Variants in SCN1A observed in about 807,000 individuals in gnomAD.
SCN1A encodes sodium channel protein type 1 subunit alpha.
In SCN1A, 13 loss-of-function variants were observed where a neutral mutation model predicts 193.7. The observed-to-expected ratio is 0.07, with a 90% CI of 0.04 to 0.11. SCN1A has a LOEUF of 0.11. SCN1A is among the 10% of genes least tolerant of loss of function. The pLI is 1.00. For synonymous variants in SCN1A, 781 were observed against 843.6 expected (o/e 0.93, Z 1.29); for missense variants, 1,432 against 2,451.1 (o/e 0.58, Z 8.78).
At chr2:166,145,861 T>A (rs1692300266) in intron 1 of SCN1A, among the ~76,000 whole-genome samples, 1 of 152,126 alleles carries the variant, frequency 6.6e-6, no homozygotes, top group African/African-American at 2.4e-5. Flanking sequence ...TTTGATGAGT[T>A]TGGGCATCTA....
At position 166,036,438 on chromosome 2, in the gene SCN1A, T is replaced by C. The variant is rs780391343; in HGVS notation, c.3039A>G (p.Gln1013=). Residue 1013 remains glutamine (Q), a synonymous_variant, in exon 19 of 29, where the codon CAA becomes CAG. Coordinates refer to ENST00000674923, the MANE Select transcript of SCN1A (RefSeq NM_001165963.4). The part of the protein sequence containing the change: ...TDDDNEMNNL[Q]IAVDRMHKGV... Reference sequence around the variant, plus strand: ...CTTTGTGCATCCTATCCACAGCAATTTGGAGATTATTCATTTCATTATCAT... The same window carrying C: ...CTTTGTGCATCCTATCCACAGCAATCTGGAGATTATTCATTTCATTATCAT... 1.5e-5 allele frequency: 24 copies of C among 1,607,340 alleles called. No homozygotes were observed. The highest frequency in any genetic ancestry group is 1.9e-5 in the Non-Finnish European group (22 of 1,178,144).
At position 165,990,128 on chromosome 2, in the gene SCN1A, A is replaced by G. The variant is rs948663637; in HGVS notation, c.*1117T>C. On this transcript the variant is annotated 3_prime_UTR_variant, in exon 29 of 29. Transcript: ENST00000674923. ...TTGATAGCATCCAAACTATCTATAA[A>G]TGGTACAGAATACATTTTATTACCT... The G allele has an allele frequency of 3.9e-5, 6 of 152,608 alleles. No individual in the cohort carries two copies. Among genetic ancestry groups the G allele is most frequent in the African/African-American group, 1.4e-4 (6 of 41,454 alleles). 9.5% of individuals were successfully genotyped at this position (152,608 alleles called of 1,614,324 possible).
In SCN1A at chr2:166,013,784, G is replaced by A. The variant is rs1692866166; in HGVS notation, c.3665C>T (p.Thr1222Ile). 2 of 1,611,864 alleles carry A rather than the reference G, an allele frequency of 1.2e-6. No individual in the cohort carries two copies. Among genetic ancestry groups the A allele is most frequent in the Non-Finnish European group, 1.7e-6 (2 of 1,178,460 alleles). Reference sequence around the variant, plus strand: ...AAGGAGAATCATGAAAACAATGAAGGTCTCAAACCAGTTATGTTCAACTAT... The same window carrying A: ...AAGGAGAATCATGAAAACAATGAAGATCTCAAACCAGTTATGTTCAACTAT... The part of the protein sequence containing the change: ...FRIVEHNWFE[T>I]FIVFMILLSS... Residue 1222 changes from threonine (T) to isoleucine (I), a missense_variant, in exon 21 of 29, where the codon ACC (threonine) becomes ATC (isoleucine). Thr to Ile is a moderately conservative substitution (Grantham distance 89, BLOSUM62 -1). Around this residue, in one of 18 missense-constraint regions of SCN1A, gnomAD observed 107 missense variants for 259.4 expected, o/e 0.41. Coordinates refer to ENST00000674923, the MANE Select transcript of SCN1A (RefSeq NM_001165963.4).
Position 166,012,217 on chromosome 2 carries a change from C to G in SCN1A, c.3771G>C (p.Lys1257Asn). 6.2e-7 allele frequency: 1 copy of G among 1,610,358 alleles called. No individual in the cohort carries two copies. The highest frequency in any genetic ancestry group is 8.5e-7 in the Non-Finnish European group (1 of 1,177,470). Reference protein sequence around the residue: ...TIKTMLEYADKVFTYIFILEM... With the variant: ...TIKTMLEYADNVFTYIFILEM... ...CCAGAATGAAAATGTAAGTGAAAAC[C>G]TTGTCAGCATATTCCAACATCGTCT... The change falls in exon 22 of 29, where the codon AAG becomes AAC. Residue 1257 changes from lysine (K) to asparagine (N), a missense_variant. By Grantham distance (94) the Lys-to-Asn change is moderately conservative. Coordinates refer to ENST00000674923, the MANE Select transcript of SCN1A (RefSeq NM_001165963.4).
intron 2 of SCN1A, among the ~76,000 whole-genome samples, chr2:166,088,440 T>G (rs1477406658): frequency 2.0e-5 from 3 of 152,148 alleles, no homozygotes; most frequent in Non-Finnish European, 2.9e-5. Context: ...AAATGCATGC[T>G]TTTTTGGATT....
intron 4 of SCN1A, among the ~76,000 whole-genome samples, chr2:166,067,699 G>GTTTT (rs1683989366): frequency 4.1e-5 from 5 of 122,332 alleles, no homozygotes; most frequent in Non-Finnish European, 5.2e-5. Flanking sequence ...AGAGTACATA[G>GTTTT]CTTTTTTTTT....
At chr2:166,101,965 A>G (rs886473712) in intron 2 of SCN1A, among the ~76,000 whole-genome samples, 8 of 152,238 alleles carry the variant, frequency 5.3e-5, no homozygotes, top group African/African-American at 1.7e-4. Flanking sequence ...AAATATTTGC[A>G]AACCATGCAT....
intron 2 of SCN1A, among the ~76,000 whole-genome samples, chr2:166,111,046 G>A (rs1689240091): frequency 6.6e-6 from 1 of 152,092 alleles, no homozygotes; most frequent in Non-Finnish European, 1.5e-5. Context: ...CCAGTCTCGG[G>A]TATGTCTTTA....
intron 22 of SCN1A, among the ~76,000 whole-genome samples, chr2:166,011,169 A>G (rs918423036): frequency 2.6e-5 from 4 of 151,118 alleles, no homozygotes; most frequent in African/African-American, 9.7e-5. Context: ...TAAATAGCTT[A>G]GTTTTGCCTT....
Position 165,997,115 on chromosome 2 carries a change from A to G in SCN1A, c.4476+923T>C, listed in dbSNP as rs867320303. ...GGGAGTAAAATACTTCATTGTGGGA[A>G]TTTATTCTCAGGAAATAATTAAAGC... On this transcript the variant is annotated intron_variant, in intron 26 of 28. Transcript: ENST00000674923. 6.6e-5 allele frequency among the ~76,000 whole-genome samples: 10 copies of G among 151,290 alleles called. No individual in the cohort carries two copies. The Middle Eastern group carries it at 0.01, about 154-fold the overall frequency.
chr2:166,071,746 C>T (rs1021256143), intron 4 of SCN1A: 7 of 151,964 alleles, frequency 4.6e-5, no homozygotes, highest in Non-Finnish European at 1.0e-4. Context: ...GAAAATTAGC[C>T]GGGCGTGGTG....
rs545543649 is a variant in SCN1A, at chr2:166,119,839, AAT to A, written c.-142+7083_-142+7084del. Among the ~76,000 whole-genome samples the A allele has an allele frequency of 1.0e-3, 153 of 152,220 alleles. 1 individual carries two copies. Among genetic ancestry groups the A allele is most frequent in the African/African-American group, 3.5e-3 (146 of 41,572 alleles). ...AATTTACTATTTTGATTAAAGATACAATGAGTATCTTTGCATGAAATAGATTA... is the reference window on the plus strand; with the variant it reads ...AATTTACTATTTTGATTAAAGATACAGAGTATCTTTGCATGAAATAGATTA... On this transcript the variant is annotated intron_variant, in intron 2 of 28. Coordinates refer to ENST00000674923, the MANE Select transcript of SCN1A (RefSeq NM_001165963.4).
chr2:166,054,831 T>A, intron 6 of SCN1A, 65 bp from the exon 7 acceptor site: 4 of 1,440,972 alleles, frequency 2.8e-6, no homozygotes, highest in Non-Finnish European at 3.9e-6. Context: ...ACCAATTTCT[T>A]ATCACTCCAT....
At chr2:166,101,274 C>G (rs1208403707) in intron 2 of SCN1A, among the ~76,000 whole-genome samples, 1 of 149,276 alleles carries the variant, frequency 6.7e-6, no homozygotes, top group African/African-American at 2.5e-5. Context: ...AAACCAAACA[C>G]CGCATATTCT....
In SCN1A at chr2:166,067,359, G is replaced by C. The variant is rs368870121; in HGVS notation, c.264+5999C>G. ...GCCAAGTGTTGAAATGACCAGTAAGGGTTCGGGAAATACTGCCGGCCTGGG... is the reference window on the plus strand; with the variant it reads ...GCCAAGTGTTGAAATGACCAGTAAGCGTTCGGGAAATACTGCCGGCCTGGG... On this transcript the variant is annotated intron_variant, in intron 4 of 28. Coordinates refer to ENST00000674923, the MANE Select transcript of SCN1A (RefSeq NM_001165963.4). Among the ~76,000 whole-genome samples the C allele has an allele frequency of 5.3e-5, 8 of 152,220 alleles. No homozygotes were observed. The South Asian group carries it at 1.2e-3, about 24-fold the overall frequency.
intron 19 of SCN1A, chr2:166,016,116 T>C: frequency 4.0e-6 from 1 of 247,584 alleles, no homozygotes; most frequent in South Asian, 5.1e-5. Context: ...CGTTAGGTTA[T>C]TCTGCAGTTT....
Position 165,991,050 on chromosome 2 carries a change from G to C in SCN1A, c.*195C>G. The C allele has an allele frequency of 1.7e-6, 1 of 580,606 alleles. No individual in the cohort carries two copies. Among genetic ancestry groups the C allele is most frequent in the Non-Finnish European group, 3.0e-6 (1 of 329,990 alleles). The allele number at this position is 580,606 out of a possible 1,614,324, so 36.0% of individuals were successfully genotyped here. A position where few individuals can be genotyped will look rare whatever the true frequency, so the allele number is the denominator to read the frequency against. On this transcript the variant is annotated 3_prime_UTR_variant, in exon 29 of 29. Transcript: ENST00000674923. ...GTGAGAACAGTAACCTCCTGTCAAG[G>C]TCATCTCCCCTTTACACAGAGTCAC...
chr2:166,044,198 C>A lies in SCN1A; in HGVS notation c.1663-149G>T. 3.1e-6 allele frequency: 3 copies of A among 970,592 alleles called. No homozygotes were observed. In the South Asian group the frequency reaches 4.9e-5, roughly 16 times the overall value. The allele number at this position is 970,592 out of a possible 1,614,324, so 60.1% of individuals were successfully genotyped here. A position where few individuals can be genotyped will look rare whatever the true frequency, so the allele number is the denominator to read the frequency against. ...TTGATTATCATTCTCATTTTATGTG[C>A]ATTCACATTAAATTAAATTACCTTG... On this transcript the variant is annotated intron_variant, in intron 13 of 28. Transcript: ENST00000674923.
chr2:166,125,841 CA>C (rs143897857), intron 2 of SCN1A, among the ~76,000 whole-genome samples: 1,780 of 152,178 alleles, frequency 0.012, 34 homozygotes, highest in African/African-American at 0.04. Flanking sequence ...GAGAAATTAC[CA>C]TAATAAATGA....
Sources: gnomAD v4.1 joint callset for allele counts (sites outside exome capture counted in the v4.1 genomes callset) on GRCh38, gnomAD v4.1.1 for gene constraint, gnomAD v4.1.1 regional missense constraint, MANE v1.5 for transcripts, NCBI Gene and HGNC (gene_info 2026-07-23, HGNC 2026-07-21) for gene names.